Variants in ZNF682 observed in about 807,000 individuals in gnomAD.
ZNF682 encodes the protein zinc finger protein 682.
Under a neutral mutation model 36.5 loss-of-function variants are expected in ZNF682, and 29 were observed. The observed-to-expected ratio is 0.80, with a 90% CI of 0.59 to 1.08. The LOEUF (loss-of-function observed/expected upper bound fraction) is 1.08. ZNF682 is among the 50% of genes least tolerant of loss of function. The pLI is 0.00. For missense variants in ZNF682, 561 were observed against 579.7 expected (o/e 0.97, Z 0.33); for synonymous variants, 180 against 197.0 (o/e 0.91, Z 0.72).
At position 20,006,637 on chromosome 19, in the gene ZNF682, C is replaced by G; in HGVS notation, c.865G>C (p.Asp289His). The change falls in exon 4 of 4, where the codon GAC becomes CAC. Residue 289 changes from aspartate to histidine, a missense_variant. Asp to His is a moderately conservative substitution (Grantham distance 81). Coordinates refer to ENST00000397165, the MANE Select transcript of ZNF682 (RefSeq NM_033196.3). The part of the protein sequence containing the change: ...HTGEKPYTCE[D>H]CGRAFNRHSH... The stretch of plus-strand genomic sequence containing the variant: ...TGCCGGTTAAACGCTCTGCCACAGT[C>G]TTCACATGTATAGGGTTTTTCTCCT... 6.2e-7 allele frequency: 1 copy of G among 1,614,094 alleles called. No homozygotes were observed. Among genetic ancestry groups the G allele is most frequent in the Non-Finnish European group, 8.5e-7 (1 of 1,180,026 alleles).
intron 1 of ZNF682, among the ~76,000 whole-genome samples, chr19:20,028,818 C>A (rs925190616): frequency 6.6e-6 from 1 of 152,228 alleles, no homozygotes; most frequent in African/African-American, 2.4e-5. Context: ...ATGGAGCATG[C>A]GCTGTGTGCT....
chr19:20,011,031 C>A, intron 3 of ZNF682, among the ~76,000 whole-genome samples: 1 of 150,224 alleles, frequency 6.7e-6, no homozygotes. Context: ...TAAAAAAAAC[C>A]AAGACTTAAC....
intron 3 of ZNF682, among the ~76,000 whole-genome samples, chr19:20,008,443 T>C (rs1055812486): frequency 6.6e-6 from 1 of 152,234 alleles, no homozygotes; most frequent in African/African-American, 2.4e-5. Context: ...GCCCCACAAC[T>C]ACCTGCTGGA....
intron 2 of ZNF682, among the ~76,000 whole-genome samples, chr19:20,024,041 C>G (rs1423391074): frequency 6.6e-6 from 1 of 151,512 alleles, no homozygotes; most frequent in Non-Finnish European, 1.5e-5. Context: ...GTGAAAAATG[C>G]CCATCACCTC....
intron 1 of ZNF682, among the ~76,000 whole-genome samples, chr19:20,031,579 T>G (rs889758801): frequency 2.6e-5 from 4 of 152,210 alleles, no homozygotes; most frequent in Non-Finnish European, 5.9e-5. Context: ...CTGTGCATTA[T>G]TGGGTGTTAT....
At chr19:20,022,445 A>C in intron 3 of ZNF682, among the ~76,000 whole-genome samples, 1 of 152,096 alleles carries the variant, frequency 6.6e-6, no homozygotes, top group Non-Finnish European at 1.5e-5. Flanking sequence ...AGGTGGGTGG[A>C]TCACCTGAGG....
intron 1 of ZNF682, among the ~76,000 whole-genome samples, chr19:20,030,284 A>C (rs760034406): frequency 1.3e-5 from 2 of 152,212 alleles, no homozygotes; most frequent in African/African-American, 4.8e-5. Context: ...AATAATAACT[A>C]TAGGGCTGGG....
At chr19:20,017,068 T>A (rs1220122558) in intron 3 of ZNF682, among the ~76,000 whole-genome samples, 2 of 151,702 alleles carry the variant, frequency 1.3e-5, no homozygotes, top group African/African-American at 2.4e-5. Flanking sequence ...ATAGAAGATA[T>A]GCAAAAGAAA....
At position 20,024,239 on chromosome 19, in the gene ZNF682, G is replaced by A. The variant is rs1170381381; in HGVS notation, c.130+11C>T. ...TGTGAAATAGAAATTGTGTATTGAA[G>A]TTATTCTCACCCAGAGAGACCAGGT... On this transcript the variant is annotated intron_variant, in intron 2 of 3. Coordinates refer to ENST00000397165, the MANE Select transcript of ZNF682 (RefSeq NM_033196.3). 2 of 1,613,330 alleles carry A rather than the reference G, an allele frequency of 1.2e-6. No individual in the cohort carries two copies. The highest frequency in any genetic ancestry group is 4.5e-5 in the East Asian group (2 of 44,856).
chr19:20,005,760 T>C lies in ZNF682; in HGVS notation c.*245A>G. The C allele has an allele frequency of 4.1e-6, 2 of 489,538 alleles. No individual in the cohort carries two copies. Among genetic ancestry groups the C allele is most frequent in the Non-Finnish European group, 7.2e-6 (2 of 278,312 alleles). 30.3% of individuals were successfully genotyped at this position (489,538 alleles called of 1,614,324 possible). ...TTGCTTTTATCTAGCACAAAACCTC[T>C]GATGAGTAAGTTCATAGTAGTTATT... On this transcript the variant is annotated 3_prime_UTR_variant, in exon 4 of 4. Coordinates refer to ENST00000397165, the MANE Select transcript of ZNF682 (RefSeq NM_033196.3).
chr19:20,027,609 A>T (rs948387522), intron 1 of ZNF682, among the ~76,000 whole-genome samples: 5 of 152,206 alleles, frequency 3.3e-5, no homozygotes, highest in African/African-American at 1.2e-4. Context: ...AAAATACAAA[A>T]TTAGCCGAGT....
Position 20,005,733 on chromosome 19 carries a change from C to T in ZNF682, c.*272G>A, listed in dbSNP as rs764943349. 3.4e-4 allele frequency: 142 copies of T among 422,106 alleles called. No individual in the cohort carries two copies. Among genetic ancestry groups the T allele is most frequent in the Middle Eastern group, 6.5e-4 (1 of 1,550 alleles). 26.1% of individuals were successfully genotyped at this position (422,106 alleles called of 1,614,324 possible). ...AATGTAATGTGTATCATTACACTTA[C>T]ATTGCTTTTATCTAGCACAAAACCT... On this transcript the variant is annotated 3_prime_UTR_variant, in exon 4 of 4. Transcript: ENST00000397165.
Position 20,006,687 on chromosome 19 carries a change from A to C in ZNF682, c.815T>G (p.Phe272Cys). 6.2e-7 allele frequency: 1 copy of C among 1,613,994 alleles called. No homozygotes were observed. Reference protein sequence around the residue: ...CGKAFHWCSPFVRHKKIHTGE... With the variant: ...CGKAFHWCSPCVRHKKIHTGE... ...TGTATGAATTTTCTTATGTCTAACA[A>C]AGGGTGAACACCAGTGAAAGGCTTT... is the stretch of plus-strand genomic sequence containing the variant. The change falls in exon 4 of 4, where the codon TTT (phenylalanine) becomes TGT (cysteine). Residue 272 changes from phenylalanine (F) to cysteine (C), a missense_variant. By Grantham distance (205) the Phe-to-Cys change is radical. Coordinates refer to ENST00000397165, the MANE Select transcript of ZNF682 (RefSeq NM_033196.3).
At chr19:19,995,944 C>T (rs115678493), downstream of ZNF682, among the ~76,000 whole-genome samples, 1,511 of 152,314 alleles carry the variant, frequency 9.9e-3, 13 homozygotes, top group African/African-American at 0.02. Flanking sequence ...TTCCAGTGCC[C>T]TGTGCTCCCT....
downstream of ZNF682, among the ~76,000 whole-genome samples, chr19:20,001,377 G>A (rs753154068): frequency 6.6e-5 from 10 of 152,128 alleles, no homozygotes; most frequent in South Asian, 4.1e-4. Flanking sequence ...ACTACTTTAC[G>A]CATGTTCCTG....
chr19:20,006,456 G>A lies in ZNF682; in HGVS notation c.1046C>T (p.Ala349Val). 1 of 1,613,992 alleles carries A rather than the reference G, an allele frequency of 6.2e-7. No individual in the cohort carries two copies. Among genetic ancestry groups the A allele is most frequent in the Non-Finnish European group, 8.5e-7 (1 of 1,179,986 alleles). ...AGTAAGAATTGATGATGAGTTAAAA[G>A]CTTTGCCACATTCTTCACATTTATA... The part of the protein sequence containing the change: ...KPYKCEECGK[A>V]FNSSSILTEH... The change falls in exon 4 of 4, where the codon GCT (alanine) becomes GTT (valine). Residue 349 changes from alanine to valine, a missense_variant. Coordinates refer to ENST00000397165, the MANE Select transcript of ZNF682 (RefSeq NM_033196.3).
intron 3 of ZNF682, among the ~76,000 whole-genome samples, chr19:20,014,141 TA>T (rs1360065347): frequency 2.0e-5 from 3 of 152,060 alleles, no homozygotes; most frequent in Non-Finnish European, 2.9e-5. Context: ...CCAAATCAAA[TA>T]AAATCTCAAG....
intron 3 of ZNF682, among the ~76,000 whole-genome samples, chr19:20,016,090 C>T (rs982911959): frequency 6.6e-6 from 1 of 152,102 alleles, no homozygotes; most frequent in Non-Finnish European, 1.5e-5. Flanking sequence ...GCGGGTGGAT[C>T]GCTTGAGCTC....
At chr19:20,025,685 A>AG (rs2088425090) in intron 1 of ZNF682, among the ~76,000 whole-genome samples, 1 of 150,844 alleles carries the variant, frequency 6.6e-6, no homozygotes, top group South Asian at 2.1e-4. Context: ...TCAAAAAAAA[A>AG]GAAAAAAAAA....
Sources: gnomAD v4.1 joint callset for allele counts (sites outside exome capture counted in the v4.1 genomes callset) on GRCh38, gnomAD v4.1.1 for gene constraint, MANE v1.5 for transcripts, NCBI Gene and HGNC (gene_info 2026-07-23, HGNC 2026-07-21) for gene names.